Variants in OGDH observed in about 807,000 individuals in gnomAD.
The protein encoded by OGDH is 2-oxoglutarate dehydrogenase complex component E1.
In OGDH, 38 loss-of-function variants were observed where a neutral mutation model predicts 116.6. That is an observed-to-expected ratio of 0.33 (90% CI 0.25 to 0.43). The LOEUF (loss-of-function observed/expected upper bound fraction) is 0.43. OGDH is among the 20% of genes least tolerant of loss of function. The probability of loss-of-function intolerance (pLI) is 1.00; values close to 1 mark genes in which losing one functional copy is unlikely to be tolerated. For missense variants in OGDH, 825 were observed against 1,357.2 expected (o/e 0.61, Z 6.16); for synonymous variants, 488 against 533.3 (o/e 0.92, Z 1.17).
At chr7:44,682,455 T>C (rs1787969105) in intron 10 of OGDH, among the ~76,000 whole-genome samples, 1 of 151,882 alleles carries the variant, frequency 6.6e-6, no homozygotes. Flanking sequence ...CCCAGCACTT[T>C]GGGAGGCCAA....
At position 44,659,859 on chromosome 7, in the gene OGDH, A is replaced by G. The variant is rs568115391; in HGVS notation, c.518-6877A>G. Reference sequence around the variant, plus strand: ...TGTAAGAGATTTGTCGATGTTACTAATCTTTTCAAAGAACCAGTTACTTGT... The same window carrying G: ...TGTAAGAGATTTGTCGATGTTACTAGTCTTTTCAAAGAACCAGTTACTTGT... On this transcript the variant is annotated intron_variant, in intron 4 of 22. Coordinates refer to ENST00000222673, the MANE Select transcript of OGDH (RefSeq NM_002541.4). Among the ~76,000 whole-genome samples the G allele has an allele frequency of 2.6e-5, 4 of 152,202 alleles. No individual in the cohort carries two copies. In the East Asian group the frequency reaches 7.7e-4, roughly 29 times the overall value.
At chr7:44,676,381 C>T (rs1280997124) in intron 9 of OGDH, 1 of 859,376 alleles carries the variant, frequency 1.2e-6, no homozygotes, top group Admixed American at 3.0e-5. Flanking sequence ...CATGGAGAAA[C>T]TCCATCTCTA....
Position 44,694,223 on chromosome 7 carries a change from C to T in OGDH, c.1516-201C>T, listed in dbSNP as rs1167000512. Among the ~76,000 whole-genome samples, 1 of 152,060 alleles carries T rather than the reference C, an allele frequency of 6.6e-6. No homozygotes were observed. Among genetic ancestry groups the T allele is most frequent in the African/African-American group, 2.4e-5 (1 of 41,408 alleles). ...GCAGGAGCTGTGGTGGTGAGGAGGG[C>T]CACTCCTCATTGACAGAGCAGCTCT... On this transcript the variant is annotated intron_variant, in intron 11 of 22. Coordinates refer to ENST00000222673, the MANE Select transcript of OGDH (RefSeq NM_002541.4). This position sits in a 1 kb window ranked among gnomAD's most constrained non-coding sequence, Gnocchi z 4.2.
chr7:44,640,792 T>A (rs1483459992), intron 2 of OGDH, among the ~76,000 whole-genome samples: 1 of 152,132 alleles, frequency 6.6e-6, no homozygotes, highest in Non-Finnish European at 1.5e-5. Context: ...TAAGTAAGTG[T>A]CTACAGCTAG....
At chr7:44,645,892 G>C (rs1299049326) in intron 3 of OGDH, among the ~76,000 whole-genome samples, 1 of 152,164 alleles carries the variant, frequency 6.6e-6, no homozygotes, top group South Asian at 2.1e-4. Context: ...GGTGGTTGAT[G>C]CCCCCTTCTC....
chr7:44,632,992 G>A (rs934566922), intron 2 of OGDH, among the ~76,000 whole-genome samples: 2 of 151,790 alleles, frequency 1.3e-5, no homozygotes, highest in East Asian at 1.9e-4. Context: ...AGTGGCTCAC[G>A]CCTGTAATCC....
chr7:44,658,415 T>C (rs1232803388), intron 4 of OGDH, among the ~76,000 whole-genome samples: 1 of 152,078 alleles, frequency 6.6e-6, no homozygotes, highest in Admixed American at 6.5e-5. Flanking sequence ...TTAGTGTTTA[T>C]GTTGCATTCT....
At chr7:44,704,258 A>G (rs538031252) in intron 20 of OGDH, among the ~76,000 whole-genome samples, 2 of 152,278 alleles carry the variant, frequency 1.3e-5, no homozygotes, top group Admixed American at 1.3e-4. Context: ...TGGGTGTGAG[A>G]TGATATTTCA....
chr7:44,697,870 TGG>T lies in OGDH; in HGVS notation c.2358+89_2358+90del. The T allele has an allele frequency of 6.9e-7, 1 of 1,445,380 alleles. No homozygotes were observed. Among genetic ancestry groups the T allele is most frequent in the Non-Finnish European group, 9.3e-7 (1 of 1,079,968 alleles). 89.5% of individuals were successfully genotyped at this position (1,445,380 alleles called of 1,614,324 possible). On this transcript the variant is annotated intron_variant, in intron 17 of 22. Transcript: ENST00000222673. This position sits in a 1 kb window ranked among gnomAD's most constrained non-coding sequence, Gnocchi z 6.0. ...CCCCAAAGACTGGCACGAGAGCCAG[TGG>T]CTCACACCAGCCTCCTAAGGACTCT...
intron 10 of OGDH, among the ~76,000 whole-genome samples, chr7:44,686,740 GT>G (rs1788146215): frequency 6.7e-6 from 1 of 148,782 alleles, no homozygotes. Flanking sequence ...CCAGGCCGGA[GT>G]GCAATGGCAT....
At chr7:44,609,526 A>T (rs1405753158) in intron 1 of OGDH, among the ~76,000 whole-genome samples, 2 of 147,010 alleles carry the variant, frequency 1.4e-5, no homozygotes, top group Non-Finnish European at 3.0e-5. Flanking sequence ...AAAAAAAAAA[A>T]GGTACTTCAT....
chr7:44,681,765 GGCAT>G lies in OGDH; in HGVS notation c.1253_1256del (p.Gly418ValfsTer50). 6.2e-7 allele frequency: 1 copy of G among 1,614,062 alleles called. No individual in the cohort carries two copies. The highest frequency in any genetic ancestry group is 8.5e-7 in the Non-Finnish European group (1 of 1,180,020). ...TGGGGATGCTGCATTTGCTGGCCAG[GGCAT>G]TGTGTACGAGACCTTCCACCTCAGC... On this transcript the variant is annotated frameshift_variant, in exon 10 of 23. Transcript: ENST00000222673. LOFTEE classifies it high-confidence loss of function.
chr7:44,612,138 C>G (rs1440933898), intron 1 of OGDH, among the ~76,000 whole-genome samples: 1 of 152,066 alleles, frequency 6.6e-6, no homozygotes, highest in Non-Finnish European at 1.5e-5. Context: ...CTAACCAGCA[C>G]CGTTTGTTTG....
At chr7:44,647,794 A>C (rs1786258034) in intron 4 of OGDH, 35 bp downstream of exon 4, 1 of 1,543,694 alleles carries the variant, frequency 6.5e-7, no homozygotes, top group African/African-American at 1.4e-5. Flanking sequence ...GCGTTGCTTG[A>C]GCTCCTCTCG....
chr7:44,642,669 A>G (rs182568539), intron 2 of OGDH, among the ~76,000 whole-genome samples: 16 of 152,328 alleles, frequency 1.1e-4, no homozygotes, highest in Non-Finnish European at 7.3e-5. Context: ...TACGCATGTA[A>G]TCCCAGCACT....
chr7:44,625,997 C>T (rs2268302), intron 2 of OGDH, among the ~76,000 whole-genome samples: 47,134 of 151,600 alleles, frequency 0.31, 8,647 homozygotes, highest in Non-Finnish European at 0.41. Context: ...AGGTGGGGGG[C>T]GGGTATATTC....
chr7:44,616,865 A>ACGTGTATATATATACACATATACACT (rs1243027659), intron 1 of OGDH, among the ~76,000 whole-genome samples: 6 of 85,734 alleles, frequency 7.0e-5, no homozygotes, highest in African/African-American at 2.5e-4. Context: ...ATACACATAT[A>ACGTGTATATATATACACATATACACT]TATATACGTA....
intron 10 of OGDH, among the ~76,000 whole-genome samples, chr7:44,684,280 G>A (rs1788043732): frequency 6.6e-6 from 1 of 152,148 alleles, no homozygotes; most frequent in Non-Finnish European, 1.5e-5. Flanking sequence ...TGAGATACTG[G>A]TTGGTTATAA....
Position 44,708,549 on chromosome 7 carries a change from G to GCCTGA in OGDH, c.*555_*559dup, listed in dbSNP as rs1475425165. The GCCTGA allele has an allele frequency of 1.3e-5, 2 of 153,094 alleles. No homozygotes were observed. The highest frequency in any genetic ancestry group is 4.8e-5 in the African/African-American group (2 of 41,452). The allele number at this position is 153,094 out of a possible 1,614,324, so 9.5% of individuals were successfully genotyped here. ...GGGCAGCTGGCAGGAGAGAGCCTTGGCCTGACCTGGCACAGAAAGGGCAGC... is the reference window on the plus strand; with the variant it reads ...GGGCAGCTGGCAGGAGAGAGCCTTGGCCTGACCTGACCTGGCACAGAAAGGGCAGC... On this transcript the variant is annotated 3_prime_UTR_variant, in exon 23 of 23. Coordinates refer to ENST00000222673, the MANE Select transcript of OGDH (RefSeq NM_002541.4).
Sources: allele counts gnomAD v4.1 joint callset (sites outside exome capture counted in the v4.1 genomes callset), GRCh38; gene constraint gnomAD v4.1.1; non-coding constraint Gnocchi (gnomAD v3.1); transcripts MANE v1.5; gene names NCBI Gene and HGNC (gene_info 2026-07-23, HGNC 2026-07-21).